PKD2: variants seen among roughly 807,000 people sequenced by gnomAD.
PKD2 encodes polycystin 2, transient receptor potential cation channel.
In PKD2, 48 loss-of-function variants were observed where a neutral mutation model predicts 105.9. That is an observed-to-expected ratio of 0.45 (90% confidence interval 0.36 to 0.58). The LOEUF is 0.58. Ranked by LOEUF, PKD2 falls within the 20% of genes least tolerant of loss-of-function variation. The pLI is 0.00. For missense variants in PKD2, 1,078 were observed against 1,255.3 expected (o/e 0.86, Z 2.13); for synonymous variants, 464 against 481.1 (o/e 0.96, Z 0.46).
rs1458107200 is a variant in PKD2, at chr4:88,074,902, G to A, written c.2613G>A (p.Glu871=). The change falls in exon 14 of 15, where the codon GAG becomes GAA. Residue 871 remains glutamate (E), a synonymous_variant. Coordinates refer to ENST00000237596, the MANE Select transcript of PKD2 (RefSeq NM_000297.4). ...TGATCGTGAAGCTAGAGATTATGGA[G>A]CGAGCCAAACTGAAGAGGAGGGAGG... ...DAVIVKLEIM[E]RAKLKRREVL... 1.9e-6 allele frequency: 3 copies of A among 1,614,068 alleles called. No individual in the cohort carries two copies. The highest frequency in any genetic ancestry group is 2.7e-5 in the African/African-American group (2 of 74,930).
At chr4:88,074,725 A>G in intron 13 of PKD2, 87 bp from the exon 14 acceptor site, 1 of 1,416,056 alleles carries the variant, frequency 7.1e-7, no homozygotes, top group South Asian at 1.2e-5. Flanking sequence ...TTAAGAAAAA[A>G]ATCTTAGCAC....
chr4:88,071,958 T>C (rs1339875297), intron 13 of PKD2, among the ~76,000 whole-genome samples: 1 of 151,450 alleles, frequency 6.6e-6, no homozygotes, highest in African/African-American at 2.4e-5. Context: ...TTTGCAGGGC[T>C]AGTTTTAGAG....
intron 1 of PKD2, among the ~76,000 whole-genome samples, chr4:88,009,710 TG>T (rs1726322212): frequency 6.6e-6 from 1 of 152,252 alleles, no homozygotes; most frequent in African/African-American, 2.4e-5. Flanking sequence ...TCGGATAACC[TG>T]TGTGAGTAAA....
At position 88,043,335 on chromosome 4, in the gene PKD2, A is replaced by G; in HGVS notation, c.1197A>G (p.Arg399=). ...AGYYLDLSRT[R]EETAAQVASL... ...ATTATCTGGATTTGTCAAGAACAAGAGAGGAAACAGCTGCACAAGTTGCTA... is the reference window on the plus strand; with the variant it reads ...ATTATCTGGATTTGTCAAGAACAAGGGAGGAAACAGCTGCACAAGTTGCTA... Residue 399 remains arginine (R), a synonymous_variant, in exon 5 of 15, where the codon AGA becomes AGG. Transcript: ENST00000237596. The G allele has an allele frequency of 6.2e-7, 1 of 1,613,874 alleles. No individual in the cohort carries two copies. The highest frequency in any genetic ancestry group is 8.5e-7 in the Non-Finnish European group (1 of 1,179,772).
chr4:88,014,207 C>A (rs143603058), intron 1 of PKD2, among the ~76,000 whole-genome samples: 1 of 152,292 alleles, frequency 6.6e-6, no homozygotes, highest in Non-Finnish European at 1.5e-5. Flanking sequence ...TGGCATGGTA[C>A]CATTAACCCA....
intron 2 of PKD2, among the ~76,000 whole-genome samples, chr4:88,029,996 A>G (rs1210838584): frequency 6.6e-6 from 1 of 152,180 alleles, no homozygotes; most frequent in Non-Finnish European, 1.5e-5. Flanking sequence ...CCATGGTTTA[A>G]GTATGAAAGT....
chr4:88,068,184 AT>A, intron 13 of PKD2, 123 bp downstream of exon 13: 2 of 901,574 alleles, frequency 2.2e-6, no homozygotes, highest in South Asian at 1.3e-5. Context: ...AAAATAACTT[AT>A]ACTGGCCAGA....
At chr4:88,045,877 C>G (rs1727746970) in intron 5 of PKD2, among the ~76,000 whole-genome samples, 1 of 152,164 alleles carries the variant, frequency 6.6e-6, no homozygotes, top group Admixed American at 6.5e-5. Context: ...GACTCAGTTC[C>G]TATCTTTATA....
intron 10 of PKD2, among the ~76,000 whole-genome samples, chr4:88,063,035 A>G (rs1461470772): frequency 6.6e-6 from 1 of 152,242 alleles, no homozygotes; most frequent in Admixed American, 6.5e-5. Context: ...AGCACAAAGT[A>G]CAAACTCCAC....
chr4:88,034,719 A>G (rs1294820176), intron 2 of PKD2, among the ~76,000 whole-genome samples: 3 of 151,262 alleles, frequency 2.0e-5, no homozygotes, highest in Non-Finnish European at 4.4e-5. Context: ...TGCATGAAGG[A>G]GAGATTTACT....
chr4:88,041,429 G>T (rs1450884432), intron 4 of PKD2, among the ~76,000 whole-genome samples: 1 of 152,162 alleles, frequency 6.6e-6, no homozygotes, highest in Non-Finnish European at 1.5e-5. Context: ...CAGCATAGAG[G>T]CATCCTTACA....
At chr4:88,050,580 G>A (rs141401123) in intron 6 of PKD2, among the ~76,000 whole-genome samples, 1 of 152,248 alleles carries the variant, frequency 6.6e-6, no homozygotes, top group East Asian at 1.9e-4. Flanking sequence ...ATAAACATTT[G>A]TCCTGTGCAG....
At chr4:88,040,637 C>T (rs974994786) in intron 4 of PKD2, among the ~76,000 whole-genome samples, 7 of 152,158 alleles carry the variant, frequency 4.6e-5, no homozygotes, top group Non-Finnish European at 1.0e-4. Flanking sequence ...CACCAGGAAG[C>T]TACTAGGGAC....
At chr4:88,072,055 T>C (rs1325945502) in intron 13 of PKD2, among the ~76,000 whole-genome samples, 1 of 144,244 alleles carries the variant, frequency 6.9e-6, no homozygotes, top group Admixed American at 7.3e-5. Flanking sequence ...CAGTCTCAGC[T>C]CACTGCAGCC....
At chr4:88,031,081 C>T (rs1057472703) in intron 2 of PKD2, among the ~76,000 whole-genome samples, 1 of 152,094 alleles carries the variant, frequency 6.6e-6, no homozygotes, top group African/African-American at 2.4e-5. Flanking sequence ...TGGTCTTTTT[C>T]CAGGCTACCA....
At chr4:88,035,968 T>C in intron 2 of PKD2, 1 of 521,952 alleles carries the variant, frequency 1.9e-6, no homozygotes, top group East Asian at 3.6e-5. Context: ...GATCTTACAT[T>C]GATACTCAAT....
In PKD2 at chr4:88,007,975, C is replaced by T. The variant is rs1339858240; in HGVS notation, c.242C>T (p.Ser81Leu). Residue 81 changes from serine to leucine, a missense_variant, in exon 1 of 15, where the codon TCG (serine) becomes TTG (leucine). Around this residue, in one of 2 missense-constraint regions of PKD2, gnomAD observed 210 missense variants for 187.9 expected, o/e 1.12. Transcript: ENST00000237596. ...AAASPSPPLS[S>L]CSRQAWSRDN... ...GCCTCCCCTTCTCCTCCGCTCTCGTCGTGCTCCCGGCAGGCGTGGAGCCGC... is the reference window on the plus strand; with the variant it reads ...GCCTCCCCTTCTCCTCCGCTCTCGTTGTGCTCCCGGCAGGCGTGGAGCCGC... 1 of 1,505,012 alleles carries T rather than the reference C, an allele frequency of 6.6e-7. No homozygotes were observed. Among genetic ancestry groups the T allele is most frequent in the Non-Finnish European group, 8.8e-7 (1 of 1,130,768 alleles). 93.2% of individuals were successfully genotyped at this position (1,505,012 alleles called of 1,614,324 possible).
intron 6 of PKD2, among the ~76,000 whole-genome samples, chr4:88,049,287 A>C (rs895519033): frequency 6.6e-6 from 1 of 152,260 alleles, no homozygotes; most frequent in Admixed American, 6.5e-5. Context: ...ATAGAATTCC[A>C]AAACTTTCTT....
intron 12 of PKD2, among the ~76,000 whole-genome samples, chr4:88,067,082 G>A (rs1049385176): frequency 3.3e-5 from 5 of 152,112 alleles, no homozygotes; most frequent in South Asian, 2.1e-4. Flanking sequence ...AAAAGAAGGC[G>A]ATCCAGGTTG....
Sources: allele counts gnomAD v4.1 joint callset (sites outside exome capture counted in the v4.1 genomes callset), GRCh38; gene constraint gnomAD v4.1.1; regional missense constraint gnomAD v4.1.1; transcripts MANE v1.5; gene names NCBI Gene and HGNC (gene_info 2026-07-23, HGNC 2026-07-21).